The following NKAIN2 variants were observed in gnomAD, a reference collection of about 807,000 sequenced individuals.
The protein encoded by NKAIN2 is sodium/potassium-transporting ATPase subunit beta-1-interacting protein 2.
A neutral mutation model predicts 32.6 loss-of-function variants in NKAIN2; 14 were observed. That is an observed-to-expected ratio of 0.43 (90% CI 0.28 to 0.67). NKAIN2 has a LOEUF of 0.67. Ranked by LOEUF, NKAIN2 falls within the 30% of genes least tolerant of loss-of-function variation. NKAIN2 has a pLI of 0.17. For missense variants in NKAIN2, 198 were observed against 258.3 expected, an observed-to-expected ratio of 0.77 and a Z score of 1.60; for synonymous variants, 80 against 87.2, an observed-to-expected ratio of 0.92 and a Z score of 0.46.
intron 3 of NKAIN2, among the ~76,000 whole-genome samples, chr6:124,433,549 G>A (rs1775306762): frequency 6.6e-6 from 1 of 152,186 alleles, no homozygotes; most frequent in African/African-American, 2.4e-5. Flanking sequence ...TGCAAGGGCT[G>A]TCAGTCTGGG....
intron 3 of NKAIN2, among the ~76,000 whole-genome samples, chr6:124,635,131 C>A (rs1039189700): frequency 6.6e-6 from 1 of 151,886 alleles, no homozygotes; most frequent in Non-Finnish European, 1.5e-5. Flanking sequence ...GAATACTATG[C>A]ACAGCATGGC....
chr6:124,283,201 C>A, intron 2 of NKAIN2, 59 bp downstream of exon 2: 1 of 1,226,714 alleles, frequency 8.2e-7, no homozygotes, highest in Non-Finnish European at 1.2e-6. Context: ...TGTGCAAACT[C>A]CAAATGCCTT....
At chr6:124,430,531 A>G (rs778483097) in intron 3 of NKAIN2, among the ~76,000 whole-genome samples, 3 of 152,162 alleles carry the variant, frequency 2.0e-5, no homozygotes, top group Non-Finnish European at 2.9e-5. Context: ...CTGGGCTCAT[A>G]AGATGCAAAT....
chr6:124,595,041 G>A (rs888509255), intron 3 of NKAIN2, among the ~76,000 whole-genome samples: 1 of 152,148 alleles, frequency 6.6e-6, no homozygotes, highest in Non-Finnish European at 1.5e-5. Flanking sequence ...GAAGTTTAAA[G>A]GGAAATCTAA....
intron 2 of NKAIN2, among the ~76,000 whole-genome samples, chr6:124,289,858 A>G (rs1268177949): frequency 6.6e-6 from 1 of 152,140 alleles, no homozygotes; most frequent in African/African-American, 2.4e-5. Flanking sequence ...TTTTTCTAGG[A>G]GAAAAAAATA....
At chr6:124,747,809 A>G (rs1010338871) in intron 4 of NKAIN2, among the ~76,000 whole-genome samples, 12 of 151,898 alleles carry the variant, frequency 7.9e-5, no homozygotes, top group African/African-American at 2.7e-4. Context: ...TATTTTTTAT[A>G]ATGTGCCTCA....
chr6:124,263,417 T>C (rs1050350034), intron 1 of NKAIN2, among the ~76,000 whole-genome samples: 18 of 152,088 alleles, frequency 1.2e-4, no homozygotes, highest in Admixed American at 1.1e-3. Flanking sequence ...AGCAGAAAAG[T>C]ATAGACTATA....
intron 3 of NKAIN2, among the ~76,000 whole-genome samples, chr6:124,437,373 A>G (rs912041076): frequency 1.3e-5 from 2 of 152,208 alleles, no homozygotes; most frequent in Non-Finnish European, 2.9e-5. Flanking sequence ...TGTCAGTTTG[A>G]CCAAGTAAAT....
intron 1 of NKAIN2, among the ~76,000 whole-genome samples, chr6:123,928,784 T>C (rs1413290848): frequency 6.6e-6 from 1 of 152,190 alleles, no homozygotes; most frequent in Non-Finnish European, 1.5e-5. Flanking sequence ...CATCAGCATG[T>C]GTGCCCAGAG....
At chr6:124,277,906 T>C (rs1238780516) in intron 1 of NKAIN2, among the ~76,000 whole-genome samples, 3 of 151,634 alleles carry the variant, frequency 2.0e-5, no homozygotes, top group Admixed American at 6.6e-5. Flanking sequence ...TTCATCATCA[T>C]AGTTTCAAAA....
At chr6:124,805,005 T>C (rs1235185873) in intron 5 of NKAIN2, among the ~76,000 whole-genome samples, 5 of 152,144 alleles carry the variant, frequency 3.3e-5, no homozygotes, top group Non-Finnish European at 5.9e-5. Context: ...TCGAACTGGG[T>C]GGAGCCCACC....
intron 1 of NKAIN2, among the ~76,000 whole-genome samples, chr6:124,175,037 T>C (rs1473013149): frequency 6.6e-6 from 1 of 152,248 alleles, no homozygotes; most frequent in Admixed American, 6.5e-5. Flanking sequence ...ATCTACCTTA[T>C]TAAAATAAGG....
chr6:124,180,193 C>A (rs1789371891), intron 1 of NKAIN2, among the ~76,000 whole-genome samples: 1 of 152,054 alleles, frequency 6.6e-6, no homozygotes, highest in East Asian at 1.9e-4. Context: ...TAATTGTATT[C>A]TCATGCTGCC....
intron 3 of NKAIN2, among the ~76,000 whole-genome samples, chr6:124,498,565 C>T (rs933704720): frequency 2.6e-5 from 4 of 152,136 alleles, no homozygotes; most frequent in African/African-American, 9.7e-5. Flanking sequence ...TAGATTATGA[C>T]AGAACCCACA....
chr6:124,152,573 G>A (rs2114400570), intron 1 of NKAIN2, among the ~76,000 whole-genome samples: 1 of 152,056 alleles, frequency 6.6e-6, no homozygotes, highest in Admixed American at 6.5e-5. Context: ...GGAATATAGA[G>A]TAGTACAGCC....
chr6:124,371,783 T>TA lies in NKAIN2; in HGVS notation c.273+16444dup, dbSNP rs201342014. ...GTGTTAGAGTTTTCTTTTATAAAGG[T>TA]AAAAAAAACACACTGTAAATGTGAT... On this transcript the variant is annotated intron_variant, in intron 3 of 6. Transcript: ENST00000368417. Among the ~76,000 whole-genome samples the TA allele has an allele frequency of 7.1e-3, 1,077 of 151,348 alleles. 5 individuals carry two copies. The highest frequency in any genetic ancestry group is 0.011 in the Non-Finnish European group (729 of 67,800).
intron 1 of NKAIN2, among the ~76,000 whole-genome samples, chr6:124,113,917 A>G (rs1470695334): frequency 2.0e-5 from 3 of 152,198 alleles, no homozygotes; most frequent in African/African-American, 7.2e-5. Context: ...AGGAGAGTCT[A>G]GGATTTCCTG....
intron 4 of NKAIN2, among the ~76,000 whole-genome samples, chr6:124,688,454 AC>A (rs1157732806): frequency 6.6e-6 from 1 of 152,048 alleles, no homozygotes; most frequent in African/African-American, 2.4e-5. Context: ...TACATTTGTT[AC>A]AATTGATGAA....
intron 1 of NKAIN2, among the ~76,000 whole-genome samples, chr6:124,209,173 G>T (rs1354758110): frequency 6.6e-6 from 1 of 151,500 alleles, no homozygotes; most frequent in Non-Finnish European, 1.5e-5. Context: ...CTATCTCCAT[G>T]TATTCAATTT....
Sources: gnomAD v4.1 joint callset for allele counts (sites outside exome capture counted in the v4.1 genomes callset) on GRCh38, gnomAD v4.1.1 for gene constraint, MANE v1.5 for transcripts, NCBI Gene and HGNC (gene_info 2026-07-23, HGNC 2026-07-21) for gene names.